The following FBXO27 variants were observed in gnomAD, a reference collection of about 807,000 sequenced individuals.
FBXO27 encodes F-box protein 27, also known as F-box only protein 27.
FBXO27 carries 28 observed loss-of-function variants against 28.3 expected under a neutral mutation model. The observed-to-expected ratio is 0.99, with a 90% CI of 0.73 to 1.36. The LOEUF is 1.36. Ranked by LOEUF, FBXO27 falls within the 40% of genes most tolerant of loss-of-function variation. The pLI is 0.00. For missense variants in FBXO27, 388 were observed against 394.1 expected, an observed-to-expected ratio of 0.98 and a Z score of 0.13; for synonymous variants, 175 against 167.3, an observed-to-expected ratio of 1.05 and a Z score of -0.36.
At chr19:39,028,629 G>C (rs750540920) in intron 4 of FBXO27, among the ~76,000 whole-genome samples, 5 of 152,076 alleles carry the variant, frequency 3.3e-5, no homozygotes, top group Non-Finnish European at 5.9e-5. Context: ...TTGGGAGGCA[G>C]AGGCGGGCAG....
intron 4 of FBXO27, among the ~76,000 whole-genome samples, chr19:39,029,546 A>C (rs988892561): frequency 1.3e-5 from 2 of 151,654 alleles, no homozygotes; most frequent in Non-Finnish European, 2.9e-5. Context: ...CTTTTTTCCT[A>C]TAAAACTAGA....
intron 1 of FBXO27, among the ~76,000 whole-genome samples, chr19:39,016,436 T>C (rs1213426277): frequency 6.6e-6 from 1 of 151,712 alleles, no homozygotes; most frequent in African/African-American, 2.4e-5. Flanking sequence ...TCAATTTTGC[T>C]GTGAACCTAA....
At chr19:39,023,878 G>T (rs1459214401), downstream of FBXO27, 1 of 152,114 alleles carries the variant, frequency 6.6e-6, no homozygotes, top group Non-Finnish European at 1.5e-5. Context: ...GCCTCCCAAA[G>T]TGCTGGGATT....
In FBXO27 at chr19:39,031,245, C is replaced by T. The variant is rs1250631666; in HGVS notation, c.440G>A (p.Gly147Glu). 6.2e-7 allele frequency: 1 copy of T among 1,614,026 alleles called. No individual in the cohort carries two copies. Among genetic ancestry groups the T allele is most frequent in the Non-Finnish European group, 8.5e-7 (1 of 1,180,038 alleles). The part of the protein sequence containing the change: ...VVEENRTTVP[G>E]APSQTCFVTS... ...CACGAAGCACGTCTGAGAAGGGGCC[C>T]CAGGCACGGTTGTCCTGTTTTCCTC... Residue 147 changes from glycine (G) to glutamate (E), a missense_variant, in exon 3 of 6, where the codon GGG (glycine) becomes GAG (glutamate). Gly to Glu is a moderately conservative substitution (Grantham distance 98, BLOSUM62 -2). Transcript: ENST00000292853.
chr19:39,028,707 A>G (rs2072886309), intron 4 of FBXO27, among the ~76,000 whole-genome samples: 1 of 152,148 alleles, frequency 6.6e-6, no homozygotes, highest in African/African-American at 2.4e-5. Context: ...TACTAAAAAT[A>G]CAAAAATTAG....
intron 5 of FBXO27, among the ~76,000 whole-genome samples, chr19:39,026,223 C>T (rs765927386): frequency 2.6e-4 from 40 of 152,040 alleles, no homozygotes; most frequent in South Asian, 4.1e-4. Flanking sequence ...GCCTAGGAGC[C>T]GCCATGGTGT....
At chr19:39,008,545 G>A (rs899408594) in intron 2 of FBXO27, among the ~76,000 whole-genome samples, 7 of 152,086 alleles carry the variant, frequency 4.6e-5, no homozygotes, top group African/African-American at 1.2e-4. Flanking sequence ...ATTTAAAAAT[G>A]TATATAATTC....
chr19:39,017,051 C>T (rs1019699419), intron 1 of FBXO27, among the ~76,000 whole-genome samples: 1 of 152,114 alleles, frequency 6.6e-6, no homozygotes, highest in Non-Finnish European at 1.5e-5. Flanking sequence ...CGCCACTGCA[C>T]TCCAGCCTGG....
At position 39,012,686 on chromosome 19, in the gene FBXO27, G is replaced by A. The variant is rs557018435; in HGVS notation, c.252+1701C>T. On this transcript the variant is annotated intron_variant, in intron 2 of 2. Coordinates refer to the FBXO27 transcript ENST00000598394. ...TATATCAAGAAAAGAAGCGGGGCAC[G>A]ATTGCTCATGCCTGTAATGCTAGCA... Among the ~76,000 whole-genome samples the A allele has an allele frequency of 6.6e-5, 10 of 151,924 alleles. No individual in the cohort carries two copies. In the South Asian group the frequency reaches 1.7e-3, roughly 25 times the overall value.
chr19:39,025,226 A>C lies in FBXO27; in HGVS notation c.*185T>G. 2 of 726,244 alleles carry C rather than the reference A, an allele frequency of 2.8e-6. No homozygotes were observed. The highest frequency in any genetic ancestry group is 4.3e-6 in the Non-Finnish European group (2 of 463,662). 45.0% of individuals were successfully genotyped at this position (726,244 alleles called of 1,614,324 possible). On this transcript the variant is annotated 3_prime_UTR_variant, in exon 6 of 6. Coordinates refer to ENST00000292853, the MANE Select transcript of FBXO27 (RefSeq NM_178820.5). ...AGCTGCAGTAGGTAGATAAGATGGA[A>C]GAAGCTTCTTCTGGTAGTTTCTAGA...
intron 4 of FBXO27, 132 bp from the exon 5 acceptor site, chr19:39,027,137 T>C: frequency 9.0e-7 from 1 of 1,110,376 alleles, no homozygotes; most frequent in East Asian, 2.4e-5. Context: ...AGGTGATCTC[T>C]GGACCTTTGG....
downstream of FBXO27, among the ~76,000 whole-genome samples, chr19:39,020,909 C>G (rs190949562): frequency 6.6e-6 from 1 of 151,502 alleles, no homozygotes; most frequent in South Asian, 2.1e-4. Flanking sequence ...GGCTGGAGTG[C>G]GGTAGCAAAA....
In FBXO27 at chr19:39,031,994, G is replaced by T; in HGVS notation, c.234C>A (p.Thr78=). Residue 78 remains threonine (T), a synonymous_variant, in exon 2 of 6, where the codon ACC becomes ACA. Transcript: ENST00000292853. The stretch of plus-strand genomic sequence containing the variant: ...GGGCGAGGTGCAGCAGCGCGCGGCC[G>T]GTGGCGCCGTGGTCGCGGGCCAGGA... ...LLILARDHGA[T]GRALLHLARS... 2 of 1,518,184 alleles carry T rather than the reference G, an allele frequency of 1.3e-6. No homozygotes were observed. Among genetic ancestry groups the T allele is most frequent in the South Asian group, 1.3e-5 (1 of 79,096 alleles). The allele number at this position is 1,518,184 out of a possible 1,614,324, so 94.0% of individuals were successfully genotyped here.
At chr19:39,012,732 C>T (rs773437957) in intron 2 of FBXO27, among the ~76,000 whole-genome samples, 5 of 151,572 alleles carry the variant, frequency 3.3e-5, no homozygotes, top group Admixed American at 6.6e-5. Context: ...CCGAGGAGGC[C>T]GGATCACCTG....
intron 2 of FBXO27, among the ~76,000 whole-genome samples, chr19:39,011,691 G>T (rs1317523910): frequency 0.088 from 1,068 of 12,112 alleles, 23 homozygotes; most frequent in Middle Eastern, 0.25. Flanking sequence ...CAGAGATGGC[G>T]GCGGGGGAGG....
Position 39,025,214 on chromosome 19 carries a change from A to C in FBXO27, c.*197T>G. On this transcript the variant is annotated 3_prime_UTR_variant, in exon 6 of 6. Coordinates refer to ENST00000292853, the MANE Select transcript of FBXO27 (RefSeq NM_178820.5). Reference sequence around the variant, plus strand: ...CCGCAAAGCAGCAGCTGCAGTAGGTAGATAAGATGGAAGAAGCTTCTTCTG... The same window carrying C: ...CCGCAAAGCAGCAGCTGCAGTAGGTCGATAAGATGGAAGAAGCTTCTTCTG... 2 of 629,304 alleles carry C rather than the reference A, an allele frequency of 3.2e-6. No homozygotes were observed. Among genetic ancestry groups the C allele is most frequent in the South Asian group, 2.4e-5 (1 of 41,540 alleles). The allele number at this position is 629,304 out of a possible 1,614,324, so 39.0% of individuals were successfully genotyped here. A position where few individuals can be genotyped will look rare whatever the true frequency, so the allele number is the denominator to read the frequency against.
At chr19:39,030,950 TA>T in intron 4 of FBXO27, 78 bp downstream of exon 4, 1 of 1,253,228 alleles carries the variant, frequency 8.0e-7, no homozygotes, top group Non-Finnish European at 1.2e-6. Flanking sequence ...TTAGGAGGCC[TA>T]AATTAAGTCA....
chr19:39,015,355 G>C (rs113181072), intron 1 of FBXO27, among the ~76,000 whole-genome samples: 1 of 148,340 alleles, frequency 6.7e-6, no homozygotes, highest in Admixed American at 6.7e-5. Flanking sequence ...AAAAGGCTGA[G>C]TGTGGTGGCT....
At chr19:39,021,433 T>C (rs577659730), downstream of FBXO27, among the ~76,000 whole-genome samples, 6 of 152,118 alleles carry the variant, frequency 3.9e-5, no homozygotes, top group Non-Finnish European at 8.8e-5. Context: ...ATAACGAGGA[T>C]GAAGACTTTT....
Sources: allele counts gnomAD v4.1 joint callset (sites outside exome capture counted in the v4.1 genomes callset), GRCh38; gene constraint gnomAD v4.1.1; transcripts MANE v1.5; gene names NCBI Gene and HGNC (gene_info 2026-07-23, HGNC 2026-07-21).